P3H1: variants seen among roughly 807,000 people sequenced by gnomAD.
P3H1 encodes the protein prolyl 3-hydroxylase 1.
A neutral mutation model predicts 84.0 loss-of-function variants in P3H1; 69 were observed. That is an observed-to-expected ratio of 0.82 (90% confidence interval 0.68 to 1.00). P3H1 has a LOEUF of 1.00. Ranked by LOEUF, P3H1 falls within the 50% of genes least tolerant of loss-of-function variation. The probability of loss-of-function intolerance (pLI) is 0.00; values close to 1 mark genes in which losing one functional copy is unlikely to be tolerated. For synonymous variants in P3H1, 366 were observed against 388.8 expected (o/e 0.94, Z 0.69); for missense variants, 878 against 962.8 (o/e 0.91, Z 1.17).
chr1:42,755,467 GCA>G (rs1287614688), intron 6 of P3H1, 79 bp downstream of exon 6: 9 of 1,259,916 alleles, frequency 7.1e-6, no homozygotes, highest in East Asian at 4.6e-5. Context: ...TCTCAGAATC[GCA>G]CAGTGTTCCC....
At chr1:42,755,340 A>C in intron 6 of P3H1, 123 bp from the exon 7 acceptor site, 1 of 1,063,258 alleles carries the variant, frequency 9.4e-7, no homozygotes, top group Non-Finnish European at 1.4e-6. Flanking sequence ...TTCAGGAGAC[A>C]AAATGGGAGG....
chr1:42,762,526 C>T (rs1271093618), intron 1 of P3H1, 51 bp from the exon 2 acceptor site: 21 of 1,596,676 alleles, frequency 1.3e-5, no homozygotes, highest in East Asian at 2.2e-5. Flanking sequence ...AATCTCTGAA[C>T]GTTTGTGTCC....
At chr1:42,755,263 A>G in intron 6 of P3H1, 46 bp from the exon 7 acceptor site, 1 of 1,565,478 alleles carries the variant, frequency 6.4e-7, no homozygotes, top group Non-Finnish European at 8.8e-7. Flanking sequence ...GATCTACTTA[A>G]TCTTCCAGGT....
chr1:42,750,286 G>A lies in P3H1; in HGVS notation c.1620C>T (p.Asn540=), dbSNP rs140334418. Residue 540 remains asparagine, a synonymous_variant, in exon 11 of 15, where the codon AAC becomes AAT. Coordinates refer to ENST00000296388, the MANE Select transcript of P3H1 (RefSeq NM_022356.4). ...VPLQSAHLYY[N]VTEKVRRIME... Reference sequence around the variant, plus strand: ...TGATGCGCCGCACCTTCTCCGTCACGTTGTAGTACAGGTGGGCACTCTGCA... The same window carrying A: ...TGATGCGCCGCACCTTCTCCGTCACATTGTAGTACAGGTGGGCACTCTGCA... 98 of 1,614,088 alleles carry A rather than the reference G, an allele frequency of 6.1e-5. No individual in the cohort carries two copies. The highest frequency in any genetic ancestry group is 2.9e-4 in the East Asian group (13 of 44,870).
intron 6 of P3H1, 133 bp downstream of exon 6, chr1:42,755,415 T>G: frequency 2.0e-6 from 2 of 987,104 alleles, no homozygotes; most frequent in Admixed American, 1.8e-5. Flanking sequence ...CATCCCTGCC[T>G]TGCACAGATC....
intron 12 of P3H1, 29 bp downstream of exon 12, chr1:42,748,168 ACCT>A: frequency 6.7e-7 from 1 of 1,495,960 alleles, no homozygotes; most frequent in South Asian, 1.1e-5. Context: ...GAGGGCACAG[ACCT>A]CCTCACCCTG....
chr1:42,752,764 G>A (rs1230892378), intron 8 of P3H1, 100 bp from the exon 9 acceptor site: 46 of 1,498,634 alleles, frequency 3.1e-5, no homozygotes, highest in Middle Eastern at 1.7e-4. Flanking sequence ...AATTCCAGCT[G>A]TTTCCTTTTC....
chr1:42,760,802 A>C, intron 2 of P3H1: 1 of 151,900 alleles, frequency 6.6e-6, no homozygotes. Flanking sequence ...ATACAGGCAC[A>C]CACCACCACG....
rs781474350 is a variant in P3H1, at chr1:42,758,988, A to G, written c.809-5T>C. On this transcript the variant is annotated splice_polypyrimidine_tract_variant and splice_region_variant and intron_variant, in intron 3 of 14. Transcript: ENST00000296388. ...TGAGGACCTGGATGTAATGATCTGA[A>G]AGGAATCAAACAGAAGGAATAACTA... is the stretch of plus-strand genomic sequence containing the variant. 6.6e-5 allele frequency: 106 copies of G among 1,614,106 alleles called. No individual in the cohort carries two copies. The highest frequency in any genetic ancestry group is 8.7e-5 in the Non-Finnish European group (103 of 1,180,034).
Position 42,752,287 on chromosome 1 carries a change from A to C in P3H1, c.1556T>G (p.Phe519Cys). The C allele has an allele frequency of 6.2e-7, 1 of 1,613,764 alleles. No homozygotes were observed. The highest frequency in any genetic ancestry group is 1.1e-5 in the South Asian group (1 of 91,070). ...TGTTGATCTTACCTTGAGGGCTTTG[A>C]AGACAGTGACACCATAGAACTTTTC... ...PNEKFYGVTV[F>C]KALKLGQEGK... The change falls in exon 10 of 15, where the codon TTC becomes TGC. Residue 519 changes from phenylalanine (F) to cysteine (C), a missense_variant. Transcript: ENST00000296388.
Position 42,762,347 on chromosome 1 carries a change from C to T in P3H1, c.594G>A (p.Lys198=). Residue 198 remains lysine (K), a synonymous_variant, in exon 2 of 15, where the codon AAG becomes AAA. Transcript: ENST00000296388. ...TMSGVKEADF[K]DLETQPHMQE... is the part of the protein sequence containing the mutation. ...CCATATGGGGTTGAGTCTCAAGATC[C>T]TTGAAGTCGGCCTCCTTCACTCCAG... 1 of 1,614,070 alleles carries T rather than the reference C, an allele frequency of 6.2e-7. No individual in the cohort carries two copies. The highest frequency in any genetic ancestry group is 2.2e-5 in the East Asian group (1 of 44,880).
Position 42,754,866 on chromosome 1 carries a change from C to T in P3H1, c.1345+3G>A. 6.2e-7 allele frequency: 1 copy of T among 1,614,180 alleles called. No homozygotes were observed. Among genetic ancestry groups the T allele is most frequent in the Non-Finnish European group, 8.5e-7 (1 of 1,180,026 alleles). Reference sequence around the variant, plus strand: ...AGACATGCCCCTATTTCTGTCCTCTCACCTTCCCGGGTCAGTCTGCTCACA... The same window carrying T: ...AGACATGCCCCTATTTCTGTCCTCTTACCTTCCCGGGTCAGTCTGCTCACA... On this transcript the variant is annotated splice_donor_region_variant and intron_variant, in intron 8 of 14. Coordinates refer to ENST00000296388, the MANE Select transcript of P3H1 (RefSeq NM_022356.4). The surrounding 1 kb of genome is among the most constrained non-coding windows in gnomAD (Gnocchi z 4.0).
At chr1:42,763,569 G>T (rs1185276640) in intron 1 of P3H1, among the ~76,000 whole-genome samples, 2 of 150,276 alleles carry the variant, frequency 1.3e-5, no homozygotes, top group Non-Finnish European at 3.0e-5. Context: ...CTTCTTGGGA[G>T]GCTGAAGCAG....
chr1:42,746,508 G>C lies in P3H1; in HGVS notation c.*189C>G, dbSNP rs764147630. The C allele has an allele frequency of 1.6e-6, 1 of 616,718 alleles. No homozygotes were observed. The allele number at this position is 616,718 out of a possible 1,614,324, so 38.2% of individuals were successfully genotyped here. A position where few individuals can be genotyped will look rare whatever the true frequency, so the allele number is the denominator to read the frequency against. On this transcript the variant is annotated 3_prime_UTR_variant, in exon 15 of 15. Coordinates refer to ENST00000296388, the MANE Select transcript of P3H1 (RefSeq NM_022356.4). ...GTCCTGAGCCCTCAGCCAGATCCAG[G>C]GGGTGCGGTGTCTGGTCATGTCCAC...
At position 42,746,640 on chromosome 1, in the gene P3H1, G is replaced by A. The variant is rs1651721874; in HGVS notation, c.*57C>T. On this transcript the variant is annotated 3_prime_UTR_variant, in exon 15 of 15. Coordinates refer to ENST00000296388, the MANE Select transcript of P3H1 (RefSeq NM_022356.4). ...GCCCCGAGGGGCTGGCCAGCTCAGA[G>A]TGCAGAAGAGTTCCTCTCCATGGGT... 1 of 1,423,028 alleles carries A rather than the reference G, an allele frequency of 7.0e-7. No homozygotes were observed. Among genetic ancestry groups the A allele is most frequent in the Non-Finnish European group, 9.7e-7 (1 of 1,031,052 alleles). The allele number at this position is 1,423,028 out of a possible 1,614,324, so 88.2% of individuals were successfully genotyped here. A position where few individuals can be genotyped will look rare whatever the true frequency, so the allele number is the denominator to read the frequency against.
intron 11 of P3H1, 45 bp downstream of exon 11, chr1:42,750,141 G>T: frequency 1.3e-6 from 2 of 1,598,794 alleles, no homozygotes; most frequent in Non-Finnish European, 1.7e-6. Flanking sequence ...ACAGAGCTGA[G>T]GTACAGCATG....
chr1:42,766,635 G>C lies in P3H1; in HGVS notation c.337C>G (p.Leu113Val), dbSNP rs965203707. The C allele has an allele frequency of 1.3e-6, 2 of 1,590,400 alleles. No homozygotes were observed. The highest frequency in any genetic ancestry group is 1.7e-6 in the Non-Finnish European group (2 of 1,168,904). ...ALRDLSFFGG[L>V]LRRAACLRRC... The stretch of plus-strand genomic sequence containing the variant: ...CGCAGGCAGGCAGCGCGACGCAGAA[G>C]GCCCCCGAAGAAGCTCAGGTCGCGC... Residue 113 changes from leucine to valine, a missense_variant, in exon 1 of 15, where the codon CTT becomes GTT. Leu to Val is a conservative substitution (Grantham distance 32, BLOSUM62 1). Transcript: ENST00000296388.
At chr1:42,763,908 G>A (rs1037199753) in intron 1 of P3H1, among the ~76,000 whole-genome samples, 6 of 151,998 alleles carry the variant, frequency 3.9e-5, no homozygotes, top group Non-Finnish European at 8.8e-5. Flanking sequence ...ACTTTGGGAG[G>A]CTGAGGCGGG....
chr1:42,747,598 G>A, intron 13 of P3H1, 125 bp downstream of exon 13: 1 of 1,159,796 alleles, frequency 8.6e-7, no homozygotes, highest in Non-Finnish European at 1.3e-6. Context: ...AGCCCCTCTG[G>A]ATGGGGGAAG....
Sources: gnomAD v4.1 joint callset for allele counts (sites outside exome capture counted in the v4.1 genomes callset) on GRCh38, gnomAD v4.1.1 for gene constraint, Gnocchi (gnomAD v3.1) non-coding constraint, MANE v1.5 for transcripts, NCBI Gene and HGNC (gene_info 2026-07-23, HGNC 2026-07-21) for gene names.